Variants in TMEM143 observed in about 807,000 individuals in gnomAD.
The protein encoded by TMEM143 is transmembrane protein 143.
In TMEM143, 45 loss-of-function variants were observed where a neutral mutation model predicts 40.3. That is an observed-to-expected ratio of 1.12 (90% CI 0.88 to 1.43). The LOEUF (loss-of-function observed/expected upper bound fraction) is 1.43. Among genes scored for constraint, TMEM143 ranks in the 40% most tolerant of loss-of-function variants. The probability of loss-of-function intolerance (pLI) is 0.00; values close to 1 mark genes in which losing one functional copy is unlikely to be tolerated. For synonymous variants in TMEM143, 299 were observed against 282.7 expected, an observed-to-expected ratio of 1.06 and a Z score of -0.58; for missense variants, 620 against 613.4, an observed-to-expected ratio of 1.01 and a Z score of -0.11.
At chr19:48,360,518 C>T in intron 2 of TMEM143, 2 of 266,014 alleles carry the variant, frequency 7.5e-6, no homozygotes, top group Non-Finnish European at 1.4e-5. Context: ...GCGGAGGCTG[C>T]AGTGAGTCGA....
In TMEM143 at chr19:48,350,166, A is replaced by AT. The variant is rs1015025195; in HGVS notation, c.370-4813dup. ...CAGGAGCCCGCTACCATGCCAGCTA[A>AT]TTTTTTTTTTTGTTGTACTTTTTTT... is the stretch of plus-strand genomic sequence containing the variant. On this transcript the variant is annotated intron_variant, in intron 3 of 7. Transcript: ENST00000293261. Among the ~76,000 whole-genome samples the AT allele has an allele frequency of 8.7e-4, 126 of 144,320 alleles. 1 individual carries two copies. The highest frequency in any genetic ancestry group is 3.5e-3 in the Middle Eastern group (1 of 284). The allele number at this position is 144,320 out of a possible 152,430, so 94.7% of individuals were successfully genotyped here.
At chr19:48,363,658 C>G in intron 1 of TMEM143, 127 bp from the exon 2 acceptor site, 1 of 1,441,190 alleles carries the variant, frequency 6.9e-7, no homozygotes, top group Non-Finnish European at 9.2e-7. Context: ...CCGCTCGCCT[C>G]AAAGCCCCTG....
At chr19:48,357,737 T>C (rs1047462618) in intron 3 of TMEM143, among the ~76,000 whole-genome samples, 1 of 152,128 alleles carries the variant, frequency 6.6e-6, no homozygotes, top group Admixed American at 6.6e-5. Context: ...CATGGAATAC[T>C]ACTCAGCCAT....
intron 4 of TMEM143, 120 bp downstream of exon 4, chr19:48,345,040 C>T (rs16982010): frequency 0.14 from 148,012 of 1,062,294 alleles, 11,484 homozygotes; most frequent in East Asian, 0.21. Context: ...TCACCAAGTG[C>T]GCCATATGGG....
intron 3 of TMEM143, among the ~76,000 whole-genome samples, chr19:48,354,023 A>C (rs1024005049): frequency 1.3e-5 from 2 of 151,802 alleles, no homozygotes; most frequent in Admixed American, 1.3e-4. Flanking sequence ...CAGTGGTGCG[A>C]TCTTGGCTCA....
intron 2 of TMEM143, among the ~76,000 whole-genome samples, chr19:48,361,960 A>C (rs1238177534): frequency 6.6e-6 from 1 of 152,134 alleles, no homozygotes; most frequent in Admixed American, 6.6e-5. Flanking sequence ...ATTTGATGAG[A>C]TTACACATGT....
Position 48,343,020 on chromosome 19 carries a change from A to C in TMEM143, c.696-211T>G, listed in dbSNP as rs925982693. The stretch of plus-strand genomic sequence containing the variant: ...TCGATCCCTGGTATTGGACGTGCAG[A>C]TTGTTTGTTGGAATCCTGGCCGTGC... On this transcript the variant is annotated intron_variant, in intron 5 of 7. Coordinates refer to ENST00000293261, the MANE Select transcript of TMEM143 (RefSeq NM_018273.4). 3 of 699,840 alleles carry C rather than the reference A, an allele frequency of 4.3e-6. 1 individual carries two copies. Among genetic ancestry groups the C allele is most frequent in the Non-Finnish European group, 2.3e-6 (1 of 431,808 alleles). The allele number at this position is 699,840 out of a possible 1,614,324, so 43.4% of individuals were successfully genotyped here. A position where few individuals can be genotyped will look rare whatever the true frequency, so the allele number is the denominator to read the frequency against.
At chr19:48,334,480 T>C (rs868248549) in intron 6 of TMEM143, among the ~76,000 whole-genome samples, 1 of 47,466 alleles carries the variant, frequency 2.1e-5, no homozygotes, top group African/African-American at 6.8e-5. Context: ...CTTTCTTTCT[T>C]TTTCTTTCTT....
At chr19:48,357,608 G>C (rs1038948953) in intron 3 of TMEM143, among the ~76,000 whole-genome samples, 2 of 150,832 alleles carry the variant, frequency 1.3e-5, no homozygotes, top group African/African-American at 4.9e-5. Flanking sequence ...CGCCTGCCTT[G>C]TCCTCCCAAA....
At chr19:48,356,596 A>ATTTTTT (rs36077135) in intron 3 of TMEM143, among the ~76,000 whole-genome samples, 3 of 135,874 alleles carry the variant, frequency 2.2e-5, no homozygotes, top group Non-Finnish European at 3.1e-5. Context: ...GGCCCAGGTA[A>ATTTTTT]TTTTTTTTTT....
At chr19:48,363,219 C>A in intron 2 of TMEM143, 72 bp downstream of exon 2, 1 of 1,536,160 alleles carries the variant, frequency 6.5e-7, no homozygotes, top group South Asian at 1.3e-5. Flanking sequence ...TCTGCAGCAA[C>A]TAGGGCCCTG....
In TMEM143 at chr19:48,333,196, CT is replaced by C; in HGVS notation, c.*22del. On this transcript the variant is annotated 3_prime_UTR_variant, in exon 8 of 8. Transcript: ENST00000293261. The surrounding 1 kb of genome is among the most constrained non-coding windows in gnomAD (Gnocchi z 4.1). ...CGGGGCTTAGTTCCTAGCCTGCTGA[CT>C]GGGCAGGGAGGTAGGTTCTACTCAG... is the stretch of plus-strand genomic sequence containing the variant. The C allele has an allele frequency of 7.1e-7, 1 of 1,410,898 alleles. No homozygotes were observed. The allele number at this position is 1,410,898 out of a possible 1,614,324, so 87.4% of individuals were successfully genotyped here.
At position 48,349,090 on chromosome 19, in the gene TMEM143, G is replaced by A. The variant is rs573929290; in HGVS notation, c.370-3736C>T. Among the ~76,000 whole-genome samples the A allele has an allele frequency of 1.8e-4, 28 of 152,280 alleles. No individual in the cohort carries two copies. In the South Asian group the frequency reaches 5.6e-3, roughly 30 times the overall value. ...ACCTGTGGTACCAGTTACTCAGGAG[G>A]CTGAGGGAGGTGGATTGCTTGAACC... On this transcript the variant is annotated intron_variant, in intron 3 of 7. Coordinates refer to ENST00000293261, the MANE Select transcript of TMEM143 (RefSeq NM_018273.4).
intron 3 of TMEM143, among the ~76,000 whole-genome samples, chr19:48,350,310 C>A (rs979215564): frequency 6.6e-6 from 1 of 151,840 alleles, no homozygotes; most frequent in Non-Finnish European, 1.5e-5. Context: ...TGCGACCAGG[C>A]TACATTTAAA....
In TMEM143 at chr19:48,354,296, G is replaced by A. The variant is rs144849908; in HGVS notation, c.369+5776C>T. The stretch of plus-strand genomic sequence containing the variant: ...TTTTTTTTTTTTGAGACATAGTCTT[G>A]CTCTGTCACCCAGGCTGGAGTGCAG... On this transcript the variant is annotated intron_variant, in intron 3 of 7. Transcript: ENST00000293261. 6.7e-3 allele frequency among the ~76,000 whole-genome samples: 722 copies of A among 107,880 alleles called. 10 individuals are homozygous for A. Among genetic ancestry groups the A allele is most frequent in the African/African-American group, 0.024 (678 of 27,712 alleles). The allele number at this position is 107,880 out of a possible 152,430, so 70.8% of individuals were successfully genotyped here. A position where few individuals can be genotyped will look rare whatever the true frequency, so the allele number is the denominator to read the frequency against.
chr19:48,363,205 G>A (rs1055876466), intron 2 of TMEM143, 86 bp downstream of exon 2: 10 of 1,508,970 alleles, frequency 6.6e-6, no homozygotes, highest in African/African-American at 1.4e-5. Context: ...CGCCAGGGCA[G>A]CTCTCTGCAG....
At chr19:48,343,086 T>A in intron 5 of TMEM143, 1 of 697,924 alleles carries the variant, frequency 1.4e-6, no homozygotes, top group Admixed American at 3.0e-5. Context: ...GAGCCTCAGT[T>A]TTCCTTATTG....
intron 6 of TMEM143, among the ~76,000 whole-genome samples, chr19:48,335,230 C>T (rs1207139666): frequency 6.6e-6 from 1 of 152,100 alleles, no homozygotes. Context: ...ATCATACTAT[C>T]CTATTTCTGT....
intron 3 of TMEM143, among the ~76,000 whole-genome samples, chr19:48,350,931 A>G (rs1320195895): frequency 6.6e-6 from 1 of 151,578 alleles, no homozygotes; most frequent in Non-Finnish European, 1.5e-5. Context: ...AAAAAAAAAA[A>G]AAAAAAAAAA....
Sources: gnomAD v4.1 joint callset for allele counts (sites outside exome capture counted in the v4.1 genomes callset) on GRCh38, gnomAD v4.1.1 for gene constraint, Gnocchi (gnomAD v3.1) non-coding constraint, MANE v1.5 for transcripts, NCBI Gene and HGNC (gene_info 2026-07-23, HGNC 2026-07-21) for gene names.